Variants in PSG2 observed in about 807,000 individuals in gnomAD.
The protein encoded by PSG2 is pregnancy specific beta-1-glycoprotein 2, also known as pregnancy-specific beta-1-glycoprotein 2.
Under a neutral mutation model 36.2 loss-of-function variants are expected in PSG2, and 49 were observed. That is an observed-to-expected ratio of 1.35 (90% CI 1.08 to 1.72). The LOEUF (loss-of-function observed/expected upper bound fraction) is 1.72. Among genes scored for constraint, PSG2 ranks in the 40% most tolerant of loss-of-function variants. The pLI, the probability that PSG2 is intolerant of heterozygous loss-of-function variation, is 0.00. For missense variants in PSG2, 605 were observed against 407.2 expected (o/e 1.49, Z -4.18); for synonymous variants, 261 against 155.6 (o/e 1.68, Z -5.04).
At chr19:43,067,721 C>A (rs1967759923) in intron 4 of PSG2, among the ~76,000 whole-genome samples, 1 of 151,328 alleles carries the variant, frequency 6.6e-6, no homozygotes, top group African/African-American at 2.5e-5. Context: ...TAGTAGCTGA[C>A]ATTGGTTCCT....
intron 5 of PSG2, 34 bp downstream of exon 5, chr19:43,066,483 G>C: frequency 1.4e-6 from 2 of 1,440,248 alleles, no homozygotes; most frequent in Non-Finnish European, 2.0e-6. Context: ...AGTCAGCTCT[G>C]CAGGAACCAG....
chr19:43,081,055 C>A lies in PSG2; in HGVS notation c.256G>T (p.Gly86Cys), dbSNP rs146247259. 19 of 1,612,626 alleles carry A rather than the reference C, an allele frequency of 1.2e-5. No homozygotes were observed. The highest frequency in any genetic ancestry group is 1.2e-4 in the Admixed American group (7 of 59,904). The change falls in exon 2 of 6, where the codon GGT becomes TGT. Residue 86 changes from glycine (G) to cysteine (C), a missense_variant. Transcript: ENST00000406487. ...GCAGGCCCATATATAATTATTTGAC[C>A]GTCTACTACATATGATGTAATGTAA... ...YHYITSYVVD[G>C]QIIIYGPAYS...
chr19:43,065,323 T>C (rs577480350), intron 5 of PSG2, among the ~76,000 whole-genome samples: 1 of 151,730 alleles, frequency 6.6e-6, no homozygotes, highest in East Asian at 1.9e-4. Flanking sequence ...GGGCCAAAAA[T>C]GTATAGTCTT....
intron 2 of PSG2, among the ~76,000 whole-genome samples, chr19:43,077,082 T>G (rs1967907538): frequency 6.6e-6 from 1 of 151,666 alleles, no homozygotes; most frequent in African/African-American, 2.4e-5. Flanking sequence ...CAAAAAAAAT[T>G]TGGAGGAAAT....
In PSG2 at chr19:43,080,893, A is replaced by C. The variant is rs146822452; in HGVS notation, c.418T>G (p.Phe140Val). 1.9e-6 allele frequency: 3 copies of C among 1,612,342 alleles called. No homozygotes were observed. The highest frequency in any genetic ancestry group is 2.7e-5 in the African/African-American group (2 of 74,292). The change falls in exon 2 of 6, where the codon TTC (phenylalanine) becomes GTC (valine). Residue 140 changes from phenylalanine (F) to valine (V), a missense_variant. Physicochemically the swap from Phe to Val is conservative, Grantham distance 50. Transcript: ENST00000406487. ...GTRGVTGYFT[F>V]TLYLETPKPS... ...TGGAATCACTTACGGTATAAGGTGA[A>C]GGTGAAATATCCAGTTACTCCTCTA... is the stretch of plus-strand genomic sequence containing the variant.
intron 3 of PSG2, among the ~76,000 whole-genome samples, chr19:43,073,554 A>G (rs1178844893): frequency 6.6e-6 from 1 of 151,730 alleles, no homozygotes; most frequent in East Asian, 1.9e-4. Flanking sequence ...GAAGTTTTTC[A>G]AATATTTTCT....
intron 4 of PSG2, among the ~76,000 whole-genome samples, chr19:43,071,326 A>G (rs1156458358): frequency 6.7e-6 from 1 of 148,352 alleles, no homozygotes; most frequent in Non-Finnish European, 1.5e-5. Flanking sequence ...TGTTCCTTGT[A>G]GCTCATGGAA....
At chr19:43,075,264 C>G in intron 3 of PSG2, 90 bp downstream of exon 3, 9 of 1,610,836 alleles carry the variant, frequency 5.6e-6, no homozygotes, top group Non-Finnish European at 6.8e-6. Context: ...GGTCTCTGTA[C>G]TTGGACCTGA....
In PSG2 at chr19:43,072,958, G is replaced by C. The variant is rs373919155; in HGVS notation, c.710-1004C>G. Among the ~76,000 whole-genome samples the C allele has an allele frequency of 1.6e-3, 246 of 151,744 alleles. 11 individuals carry two copies. The highest frequency in any genetic ancestry group is 5.6e-3 in the African/African-American group (230 of 41,154). On this transcript the variant is annotated intron_variant, in intron 3 of 5. Transcript: ENST00000406487. ...CAGTTGACTGGCTGGCTCACCTTGG[G>C]TTCCTTACCTGGAATGTGCAACTGC...
intron 3 of PSG2, among the ~76,000 whole-genome samples, chr19:43,073,718 T>C (rs1299423050): frequency 2.0e-5 from 3 of 151,582 alleles, no homozygotes; most frequent in Non-Finnish European, 4.4e-5. Context: ...GCAGTTTCAG[T>C]TATGCAAGGT....
In PSG2 at chr19:43,082,505, C is replaced by A. The variant is rs748866791; in HGVS notation, c.64+1G>T. ...CCTCTCCCAGGAAGTTCTCTCCTCACCTGTGACCAGGAGCCCCTTCCATTT... is the reference window on the plus strand; with the variant it reads ...CCTCTCCCAGGAAGTTCTCTCCTCAACTGTGACCAGGAGCCCCTTCCATTT... On this transcript the variant is annotated splice_donor_variant, in intron 1 of 5. Coordinates refer to ENST00000406487, the MANE Select transcript of PSG2 (RefSeq NM_031246.4). LOFTEE classifies it high-confidence loss of function. The A allele has an allele frequency of 6.2e-7, 1 of 1,611,558 alleles. No individual in the cohort carries two copies. The highest frequency in any genetic ancestry group is 8.5e-7 in the Non-Finnish European group (1 of 1,178,760).
intron 3 of PSG2, among the ~76,000 whole-genome samples, chr19:43,074,005 C>G (rs964245895): frequency 6.6e-6 from 1 of 151,578 alleles, no homozygotes; most frequent in Non-Finnish European, 1.5e-5. Flanking sequence ...TCTCTCACCA[C>G]GTTTCTGGCT....
chr19:43,082,588 G>T lies in PSG2; in HGVS notation c.-19C>A. 6.2e-7 allele frequency: 1 copy of T among 1,610,556 alleles called. No individual in the cohort carries two copies. Among genetic ancestry groups the T allele is most frequent in the Non-Finnish European group, 8.5e-7 (1 of 1,178,048 alleles). ...GCCCCATGGTCTCTGCTGCCTGTGT[G>T]TTCTCCTCTGTGGAGATGAGCCTAG... is the stretch of plus-strand genomic sequence containing the variant. On this transcript the variant is annotated 5_prime_UTR_variant, in exon 1 of 6. Coordinates refer to ENST00000406487, the MANE Select transcript of PSG2 (RefSeq NM_031246.4).
chr19:43,075,465 T>C lies in PSG2; in HGVS notation c.598A>G (p.Arg200Gly). 1 of 1,613,218 alleles carries C rather than the reference T, an allele frequency of 6.2e-7. No homozygotes were observed. The highest frequency in any genetic ancestry group is 8.5e-7 in the Non-Finnish European group (1 of 1,179,670). ...THRFQLSETN[R>G]TLFLFGVTKY... is the part of the protein sequence containing the mutation. ...GTGACACCAAATAGAAAGAGGGTCCTGTTGGTTTCGGACAGCTGAAACCTA... is the reference window on the plus strand; with the variant it reads ...GTGACACCAAATAGAAAGAGGGTCCCGTTGGTTTCGGACAGCTGAAACCTA... The change falls in exon 3 of 6, where the codon AGG becomes GGG. Residue 200 changes from arginine to glycine, a missense_variant. Transcript: ENST00000406487.
Position 43,064,733 on chromosome 19 carries a change from A to G in PSG2, c.*41-132T>C. ...ATCTAATGAGAATTTATTATGGTAAAGACACAGCTCACATAGAAATCTAGT... is the reference window on the plus strand; with the variant it reads ...ATCTAATGAGAATTTATTATGGTAAGGACACAGCTCACATAGAAATCTAGT... On this transcript the variant is annotated intron_variant, in intron 5 of 5. Transcript: ENST00000406487. 11 of 331,524 alleles carry G rather than the reference A, an allele frequency of 3.3e-5. No individual in the cohort carries two copies. In the South Asian group the frequency reaches 5.4e-4, roughly 16 times the overall value. 20.5% of individuals were successfully genotyped at this position (331,524 alleles called of 1,614,324 possible). A position where few individuals can be genotyped will look rare whatever the true frequency, so the allele number is the denominator to read the frequency against.
At chr19:43,068,034 A>G (rs1967764902) in intron 4 of PSG2, among the ~76,000 whole-genome samples, 1 of 151,600 alleles carries the variant, frequency 6.6e-6, no homozygotes, top group African/African-American at 2.4e-5. Flanking sequence ...AATAGAGGAA[A>G]TTACTGAAAC....
At chr19:43,079,475 A>G (rs1386443015) in intron 2 of PSG2, among the ~76,000 whole-genome samples, 15 of 151,340 alleles carry the variant, frequency 9.9e-5, no homozygotes. Flanking sequence ...TGGATCATTC[A>G]TTTCTTCATT....
rs758146931 is a variant in PSG2, at chr19:43,075,379, A to T, written c.684T>A (p.Ser228Arg). 8 of 1,613,086 alleles carry T rather than the reference A, an allele frequency of 5.0e-6. No individual in the cohort carries two copies. In the Admixed American group the frequency reaches 1.3e-4, roughly 27 times the overall value. Residue 228 changes from serine (S) to arginine (R), a missense_variant, in exon 3 of 6, where the codon AGT becomes AGA. Physicochemically the swap from Ser to Arg is moderately radical, Grantham distance 110. Coordinates refer to ENST00000406487, the MANE Select transcript of PSG2 (RefSeq NM_031246.4). ...EIRNSGSASR[S>R]DPVTLNLLHG... Reference sequence around the variant, plus strand: ...GGAGGAGATTCAGGGTGACTGGGTCACTGCGGCTGGCACTCCCTGAGTTCC... The same window carrying T: ...GGAGGAGATTCAGGGTGACTGGGTCTCTGCGGCTGGCACTCCCTGAGTTCC...
chr19:43,081,283 C>T, intron 1 of PSG2, 37 bp from the exon 2 acceptor site: 4 of 1,587,904 alleles, frequency 2.5e-6, no homozygotes, highest in Non-Finnish European at 3.4e-6. Context: ...ATATTGAGAC[C>T]TATGTATTGG....
Sources: allele counts gnomAD v4.1 joint callset (sites outside exome capture counted in the v4.1 genomes callset), GRCh38; gene constraint gnomAD v4.1.1; transcripts MANE v1.5; gene names NCBI Gene and HGNC (gene_info 2026-07-23, HGNC 2026-07-21).